The following PYGB variants were observed in gnomAD, a reference collection of about 807,000 sequenced individuals.
The protein encoded by PYGB is glycogen phosphorylase, brain form.
In PYGB, 82 loss-of-function variants were observed where a neutral mutation model predicts 94.3. The ratio of observed to expected loss-of-function variants is 0.87; its 90% confidence interval spans 0.73 to 1.04. PYGB has a LOEUF of 1.04. PYGB is among the 50% of genes least tolerant of loss of function. PYGB has a pLI of 0.00. For synonymous variants in PYGB, 488 were observed against 479.1 expected, an observed-to-expected ratio of 1.02 and a Z score of -0.24; for missense variants, 1,132 against 1,158.2, an observed-to-expected ratio of 0.98 and a Z score of 0.33.
At chr20:25,294,913 T>G in intron 18 of PYGB, 9 of 1,531,152 alleles carry the variant, frequency 5.9e-6, no homozygotes, top group South Asian at 1.1e-5. Context: ...TCAGCTGCCT[T>G]TGGGTTAGTT....
intron 1 of PYGB, chr20:25,251,210 C>T (rs1348881330): frequency 6.6e-6 from 1 of 152,202 alleles, no homozygotes; most frequent in Admixed American, 6.5e-5. Flanking sequence ...GAAGTGGTGG[C>T]AAGGTGGCAA....
chr20:25,259,173 C>T, intron 1 of PYGB, 64 bp from the exon 2 acceptor site: 1 of 1,395,276 alleles, frequency 7.2e-7, no homozygotes, highest in Non-Finnish European at 1.0e-6. Context: ...GTCGTGTCAT[C>T]TCTGTAACCT....
chr20:25,282,665 G>A (rs2088379337), intron 12 of PYGB, among the ~76,000 whole-genome samples: 1 of 152,214 alleles, frequency 6.6e-6, no homozygotes, highest in African/African-American at 2.4e-5. Context: ...GGGCAAACTG[G>A]TTCAATGCCC....
In PYGB at chr20:25,284,248, A is replaced by G. The variant is rs1568695776; in HGVS notation, c.1765A>G (p.Asn589Asp). The G allele has an allele frequency of 3.1e-6, 5 of 1,613,186 alleles. No individual in the cohort carries two copies. The African/African-American group carries it at 4.0e-5, about 13-fold the overall frequency. ...LNCLHVVTLY[N>D]RIKRDPAKAF... Reference sequence around the variant, plus strand: ...CTGCCTGCACGTCGTCACCCTGTACAATCGTGAGTGCCGGCATCACCTGCA... The same window carrying G: ...CTGCCTGCACGTCGTCACCCTGTACGATCGTGAGTGCCGGCATCACCTGCA... Residue 589 changes from asparagine (N) to aspartate (D), a missense_variant, in exon 14 of 20, where the codon AAT (asparagine) becomes GAT (aspartate). Transcript: ENST00000216962.
intron 2 of PYGB, among the ~76,000 whole-genome samples, chr20:25,268,160 C>CGCCCCG (rs1555806040): frequency 9.7e-5 from 2 of 20,672 alleles, no homozygotes; most frequent in East Asian, 1.2e-3. Flanking sequence ...TCCTAGCACC[C>CGCCCCG]GCCCCCCCCC....
chr20:25,270,481 CA>C (rs1205614332), intron 3 of PYGB, among the ~76,000 whole-genome samples: 1 of 152,102 alleles, frequency 6.6e-6, no homozygotes, highest in East Asian at 1.9e-4. Context: ...GGATTACAGG[CA>C]TGAGCCACCA....
At chr20:25,253,018 A>G (rs888808428) in intron 1 of PYGB, among the ~76,000 whole-genome samples, 2 of 152,272 alleles carry the variant, frequency 1.3e-5, no homozygotes, top group Non-Finnish European at 2.9e-5. Context: ...ATGAATAACA[A>G]AAGACACTTC....
chr20:25,296,391 A>G lies in PYGB; in HGVS notation c.2401A>G (p.Lys801Glu), dbSNP rs755933225. Reference sequence around the variant, plus strand: ...GCAGAACCCCAAGGAGTGGACCAAGAAGGTCATCAGGAACATCGCCTGCTC... The same window carrying G: ...GCAGAACCCCAAGGAGTGGACCAAGGAGGTCATCAGGAACATCGCCTGCTC... ...LYRNPKEWTKKVIRNIACSGK... is the reference protein window; with the variant it reads ...LYRNPKEWTKEVIRNIACSGK... Residue 801 changes from lysine (K) to glutamate (E), a missense_variant, in exon 20 of 20, where the codon AAG becomes GAG. Transcript: ENST00000216962. The G allele has an allele frequency of 5.6e-6, 9 of 1,613,960 alleles. No homozygotes were observed. Among genetic ancestry groups the G allele is most frequent in the Non-Finnish European group, 7.6e-6 (9 of 1,180,042 alleles).
At chr20:25,269,458 G>T (rs1378722267) in intron 3 of PYGB, among the ~76,000 whole-genome samples, 2 of 152,222 alleles carry the variant, frequency 1.3e-5, no homozygotes, top group African/African-American at 2.4e-5. Flanking sequence ...AGCTGGTGCT[G>T]GGAGGGGCTC....
intron 2 of PYGB, among the ~76,000 whole-genome samples, chr20:25,265,082 T>C (rs551956714): frequency 4.1e-4 from 62 of 152,274 alleles, no homozygotes; most frequent in Middle Eastern, 6.8e-3. Context: ...AACAGAGATA[T>C]AGACCAATGG....
intron 15 of PYGB, among the ~76,000 whole-genome samples, chr20:25,289,420 G>A (rs530887624): frequency 2.4e-4 from 36 of 152,338 alleles, no homozygotes; most frequent in African/African-American, 8.4e-4. Flanking sequence ...CAAGGCGGGT[G>A]GATCGCATGA....
chr20:25,268,157 A>ACCCACCCCC (rs375575044), intron 2 of PYGB, among the ~76,000 whole-genome samples: 1 of 28,332 alleles, frequency 3.5e-5, no homozygotes, highest in Non-Finnish European at 6.9e-5. Context: ...AAATCCTAGC[A>ACCCACCCCC]CCCGCCCCCC....
Position 25,280,928 on chromosome 20 carries a change from G to A in PYGB, c.1240-21G>A, listed in dbSNP as rs200674037. 67 of 1,612,222 alleles carry A rather than the reference G, an allele frequency of 4.2e-5. No homozygotes were observed. In the South Asian group the frequency reaches 6.9e-4, roughly 17 times the overall value. ...TGGGGCCTCCTGTGCCCACCCACCT[G>A]CCTCTGTGTTTTGGCACCAGCACGT... On this transcript the variant is annotated intron_variant, in intron 10 of 19. Coordinates refer to ENST00000216962, the MANE Select transcript of PYGB (RefSeq NM_002862.4).
At chr20:25,290,783 C>T (rs1857509332) in intron 16 of PYGB, among the ~76,000 whole-genome samples, 161 bp downstream of exon 16, 1 of 152,194 alleles carries the variant, frequency 6.6e-6, no homozygotes, top group Admixed American at 6.5e-5. Context: ...TTAGGGAGTG[C>T]TCCCCGTGCA....
intron 2 of PYGB, among the ~76,000 whole-genome samples, chr20:25,262,874 A>G (rs1472139500): frequency 6.6e-6 from 1 of 152,222 alleles, no homozygotes; most frequent in East Asian, 1.9e-4. Context: ...AAAGAAGGCC[A>G]TTACTTAATG....
intron 16 of PYGB, among the ~76,000 whole-genome samples, chr20:25,291,506 C>G (rs1186901380): frequency 6.6e-6 from 1 of 152,238 alleles, no homozygotes; most frequent in African/African-American, 2.4e-5. Context: ...TCCCTGTGGC[C>G]TGGCTGCTGC....
In PYGB at chr20:25,248,176, GC is replaced by G; in HGVS notation, c.-2del. ...TCTCTTTTCCTCCGCCTCCGCCGGCGCGATGGCGAAGCCGCTGACGGACAGC... is the reference window on the plus strand; with the variant it reads ...TCTCTTTTCCTCCGCCTCCGCCGGCGGATGGCGAAGCCGCTGACGGACAGC... On this transcript the variant is annotated 5_prime_UTR_variant, in exon 1 of 20. Coordinates refer to ENST00000216962, the MANE Select transcript of PYGB (RefSeq NM_002862.4). 1.3e-6 allele frequency: 2 copies of G among 1,589,098 alleles called. No homozygotes were observed. The highest frequency in any genetic ancestry group is 1.7e-6 in the Non-Finnish European group (2 of 1,168,096).
intron 4 of PYGB, 54 bp downstream of exon 4, chr20:25,271,540 A>G (rs2088268725): frequency 3.2e-6 from 5 of 1,553,968 alleles, no homozygotes; most frequent in East Asian, 2.2e-5. Flanking sequence ...ACACAATAAA[A>G]TGGCAGCACT....
At position 25,262,170 on chromosome 20, in the gene PYGB, A is replaced by G. The variant is rs183293036; in HGVS notation, c.345+2832A>G. Among the ~76,000 whole-genome samples the G allele has an allele frequency of 1.1e-3, 164 of 152,368 alleles. 1 individual carries two copies. Among genetic ancestry groups the G allele is most frequent in the African/African-American group, 3.7e-3 (154 of 41,592 alleles). Reference sequence around the variant, plus strand: ...CTCGAGAAGAGCAACTCCAAGGCTCATAATTGTCAGATTCACCAAAGTTGA... The same window carrying G: ...CTCGAGAAGAGCAACTCCAAGGCTCGTAATTGTCAGATTCACCAAAGTTGA... On this transcript the variant is annotated intron_variant, in intron 2 of 19. Coordinates refer to ENST00000216962, the MANE Select transcript of PYGB (RefSeq NM_002862.4).
Sources: gnomAD v4.1 joint callset for allele counts (sites outside exome capture counted in the v4.1 genomes callset) on GRCh38, gnomAD v4.1.1 for gene constraint, MANE v1.5 for transcripts, NCBI Gene and HGNC (gene_info 2026-07-23, HGNC 2026-07-21) for gene names.